Variants in NCOA7 observed in about 807,000 individuals in gnomAD.
NCOA7 encodes the protein nuclear receptor coactivator 7, also known as 140 kDa estrogen receptor-associated protein.
A neutral mutation model predicts 104.3 loss-of-function variants in NCOA7; 45 were observed. The ratio of observed to expected loss-of-function variants is 0.43; its 90% CI spans 0.34 to 0.55. The LOEUF is 0.55. Ranked by LOEUF, NCOA7 falls within the 20% of genes least tolerant of loss-of-function variation. The pLI is 0.02. For missense variants in NCOA7, 1,041 were observed against 1,119.7 expected (o/e 0.93, Z 1.00); for synonymous variants, 398 against 402.3 (o/e 0.99, Z 0.13).
chr6:125,892,258 A>G (rs1264996552), intron 10 of NCOA7, among the ~76,000 whole-genome samples: 1 of 152,166 alleles, frequency 6.6e-6, no homozygotes, highest in Non-Finnish European at 1.5e-5. Flanking sequence ...CTTTGCTGCA[A>G]CTGTCTGCAC....
intron 2 of NCOA7, among the ~76,000 whole-genome samples, chr6:125,830,931 A>C (rs560215504): frequency 6.6e-6 from 1 of 151,632 alleles, no homozygotes; most frequent in Non-Finnish European, 1.5e-5. Context: ...CTATTATTCT[A>C]TTTTCCAGGA....
In NCOA7 at chr6:125,889,643, A is replaced by G. The variant is rs757452276; in HGVS notation, c.1589A>G (p.Asn530Ser). Residue 530 changes from asparagine to serine, a missense_variant, in exon 9 of 16, where the codon AAC becomes AGC. Transcript: ENST00000392477. ...VKLIEYYLTK[N>S]KEGPQVSENL... is the part of the protein sequence containing the mutation. Reference sequence around the variant, plus strand: ...CTCATTGAATATTACCTGACTAAGAACAAAGAAGGGCCACAGGTATCTGAA... The same window carrying G: ...CTCATTGAATATTACCTGACTAAGAGCAAAGAAGGGCCACAGGTATCTGAA... 13 of 1,613,936 alleles carry G rather than the reference A, an allele frequency of 8.1e-6. No homozygotes were observed. Among genetic ancestry groups the G allele is most frequent in the Non-Finnish European group, 1.1e-5 (13 of 1,180,010 alleles).
intron 1 of NCOA7, among the ~76,000 whole-genome samples, chr6:125,809,344 G>A (rs1404402105): frequency 6.6e-6 from 1 of 152,000 alleles, no homozygotes; most frequent in Non-Finnish European, 1.5e-5. Context: ...CACCACGTCT[G>A]GCTACTTTTT....
At chr6:125,903,677 A>T (rs1225392727) in intron 10 of NCOA7, among the ~76,000 whole-genome samples, 1 of 151,964 alleles carries the variant, frequency 6.6e-6, no homozygotes, top group Non-Finnish European at 1.5e-5. Flanking sequence ...TCAGAAAAAT[A>T]ATATGCTAGT....
upstream of NCOA7, chr6:125,786,359 A>G (rs1421298847): frequency 3.3e-5 from 5 of 152,202 alleles, no homozygotes; most frequent in African/African-American, 1.2e-4. Context: ...AGACCTTCCA[A>G]AGACATTTCA....
Position 125,909,247 on chromosome 6 carries a change from T to G in NCOA7, c.2097-6086T>G, listed in dbSNP as rs148593250. Among the ~76,000 whole-genome samples, 12 of 152,358 alleles carry G rather than the reference T, an allele frequency of 7.9e-5. No homozygotes were observed. The East Asian group carries it at 2.3e-3, about 29-fold the overall frequency. ...ACCTCAGGAGATCTAGTCCTGGCTG[T>G]GATCCTGATGTTTTCATTCAGAGCC... On this transcript the variant is annotated intron_variant, in intron 10 of 15. Transcript: ENST00000392477.
At chr6:125,823,924 T>A (rs1420797161) in intron 2 of NCOA7, among the ~76,000 whole-genome samples, 2 of 152,190 alleles carry the variant, frequency 1.3e-5, no homozygotes, top group Non-Finnish European at 2.9e-5. Context: ...TAAATATTTG[T>A]TTATGAAAAT....
intron 10 of NCOA7, chr6:125,899,852 A>G: frequency 2.8e-6 from 1 of 363,632 alleles, no homozygotes; most frequent in East Asian, 7.5e-5. Context: ...CATTCACTCT[A>G]CAGTCAGACG....
intron 3 of NCOA7, among the ~76,000 whole-genome samples, chr6:125,857,592 G>A (rs1347680202): frequency 2.0e-5 from 3 of 150,882 alleles, no homozygotes; most frequent in Middle Eastern, 3.4e-3. Flanking sequence ...ACAGAGTCTC[G>A]CTCTGTCACC....
intron 11 of NCOA7, among the ~76,000 whole-genome samples, chr6:125,920,409 C>T (rs993393635): frequency 6.6e-6 from 1 of 152,138 alleles, no homozygotes; most frequent in African/African-American, 2.4e-5. Flanking sequence ...GAATGATCTC[C>T]GATTAGTCCT....
At chr6:125,906,333 G>C (rs1231886430) in intron 10 of NCOA7, among the ~76,000 whole-genome samples, 1 of 152,114 alleles carries the variant, frequency 6.6e-6, no homozygotes, top group African/African-American at 2.4e-5. Flanking sequence ...TAGGAGAGTG[G>C]GGTGAGCTTG....
chr6:125,922,142 T>TA (rs1273358547), intron 12 of NCOA7, among the ~76,000 whole-genome samples: 2 of 152,202 alleles, frequency 1.3e-5, no homozygotes, highest in African/African-American at 4.8e-5. Flanking sequence ...CTTGAAGAGA[T>TA]ATACATTATT....
At chr6:125,802,973 T>C (rs1776048550) in intron 1 of NCOA7, among the ~76,000 whole-genome samples, 1 of 152,224 alleles carries the variant, frequency 6.6e-6, no homozygotes, top group South Asian at 2.1e-4. Flanking sequence ...CACGTTTGTG[T>C]ATTTACCACA....
intron 4 of NCOA7, 113 bp downstream of exon 4, chr6:125,875,081 A>G (rs1783247623): frequency 5.4e-6 from 4 of 734,690 alleles, no homozygotes; most frequent in Non-Finnish European, 9.1e-6. Flanking sequence ...CCCATTAAAC[A>G]ATCAAGCTTC....
intron 5 of NCOA7, among the ~76,000 whole-genome samples, chr6:125,879,074 G>A (rs1783613227): frequency 2.0e-5 from 3 of 151,984 alleles, no homozygotes; most frequent in Non-Finnish European, 2.9e-5. Context: ...GAATTGCTTG[G>A]GAAAAACATC....
chr6:125,866,351 T>C (rs1427693129), intron 3 of NCOA7, among the ~76,000 whole-genome samples: 1 of 152,028 alleles, frequency 6.6e-6, no homozygotes, highest in Non-Finnish European at 1.5e-5. Context: ...AAAAAAAAGA[T>C]ATATAACTTT....
chr6:125,911,549 A>G (rs1237280060), intron 10 of NCOA7, among the ~76,000 whole-genome samples: 3 of 152,128 alleles, frequency 2.0e-5, no homozygotes, highest in Non-Finnish European at 2.9e-5. Context: ...TGCTTACCAC[A>G]TACCTCCCCT....
chr6:125,878,145 C>CT lies in NCOA7; in HGVS notation c.352-117dup, dbSNP rs539995691. On this transcript the variant is annotated intron_variant, in intron 4 of 15. Coordinates refer to ENST00000392477, the MANE Select transcript of NCOA7 (RefSeq NM_181782.5). Reference sequence around the variant, plus strand: ...CAATGTATTCATTCTTTCTTATAGTCTATCTTGATGGAACTATTAGTTTGT... The same window carrying CT: ...CAATGTATTCATTCTTTCTTATAGTCTTATCTTGATGGAACTATTAGTTTGT... The CT allele has an allele frequency of 2.3e-5, 12 of 515,716 alleles. No homozygotes were observed. The East Asian group carries it at 3.7e-4, about 16-fold the overall frequency. The allele number at this position is 515,716 out of a possible 1,614,324, so 31.9% of individuals were successfully genotyped here.
chr6:125,903,740 C>G (rs1785714854), intron 10 of NCOA7, among the ~76,000 whole-genome samples: 1 of 144,300 alleles, frequency 6.9e-6, no homozygotes, highest in African/African-American at 2.5e-5. Flanking sequence ...GAATCTTGCT[C>G]TGTCACCCAG....
Sources: allele counts gnomAD v4.1 joint callset (sites outside exome capture counted in the v4.1 genomes callset), GRCh38; gene constraint gnomAD v4.1.1; transcripts MANE v1.5; gene names NCBI Gene and HGNC (gene_info 2026-07-23, HGNC 2026-07-21).